Variants in ABCG5 observed in about 807,000 individuals in gnomAD.
The protein encoded by ABCG5 is ATP-binding cassette sub-family G member 5.
ABCG5 carries 64 observed loss-of-function variants against 64.5 expected under a neutral mutation model. The observed-to-expected ratio is 0.99, with a 90% CI of 0.81 to 1.22. ABCG5 has a LOEUF of 1.22. Among genes scored for constraint, ABCG5 ranks in the 50% most tolerant of loss-of-function variants. The pLI is 0.00. For synonymous variants in ABCG5, 385 were observed against 326.3 expected (o/e 1.18, Z -1.94); for missense variants, 908 against 829.5 (o/e 1.09, Z -1.16).
intron 7 of ABCG5, 76 bp from the exon 8 acceptor site, chr2:43,824,508 G>A: frequency 6.3e-7 from 1 of 1,598,736 alleles, no homozygotes; most frequent in Non-Finnish European, 8.5e-7. Flanking sequence ...AATTGGTACA[G>A]GAGTACTGGC....
chr2:43,831,696 G>C, intron 4 of ABCG5, 73 bp downstream of exon 4: 26 of 1,410,934 alleles, frequency 1.8e-5, no homozygotes, highest in Non-Finnish European at 2.5e-5. Context: ...GGCAAGCGTA[G>C]GCGAAGAGAG....
chr2:43,816,041 C>A (rs781612332), intron 11 of ABCG5, among the ~76,000 whole-genome samples: 1 of 152,024 alleles, frequency 6.6e-6, no homozygotes, highest in African/African-American at 2.4e-5. Context: ...GAGGTAGGAA[C>A]TGTGAACCTT....
intron 2 of ABCG5, among the ~76,000 whole-genome samples, chr2:43,836,614 A>G (rs1055267527): frequency 6.6e-6 from 1 of 152,110 alleles, no homozygotes; most frequent in African/African-American, 2.4e-5. Context: ...AAGATTCACC[A>G]CAGGGACCCT....
At chr2:43,833,053 T>G (rs982456638) in intron 2 of ABCG5, among the ~76,000 whole-genome samples, 6 of 152,076 alleles carry the variant, frequency 3.9e-5, no homozygotes, top group Middle Eastern at 3.2e-3. Flanking sequence ...CAGGTGATCC[T>G]CCCGCCTCAG....
chr2:43,838,161 G>T lies in ABCG5; in HGVS notation c.144-206C>A, dbSNP rs780832804. 1.5e-6 allele frequency: 1 copy of T among 657,138 alleles called. No homozygotes were observed. Among genetic ancestry groups the T allele is most frequent in the Non-Finnish European group, 2.6e-6 (1 of 386,518 alleles). 40.7% of individuals were successfully genotyped at this position (657,138 alleles called of 1,614,324 possible). A position where few individuals can be genotyped will look rare whatever the true frequency, so the allele number is the denominator to read the frequency against. On this transcript the variant is annotated intron_variant, in intron 1 of 12. Coordinates refer to ENST00000405322, the MANE Select transcript of ABCG5 (RefSeq NM_022436.3). The surrounding 1 kb of genome is among the most constrained non-coding windows in gnomAD (Gnocchi z 4.2). ...CCACGTAGGGAGGGGGCCTGTGCTGGAGTTGCTCTGAATGTCCTGTCCGTT... is the reference window on the plus strand; with the variant it reads ...CCACGTAGGGAGGGGGCCTGTGCTGTAGTTGCTCTGAATGTCCTGTCCGTT...
At chr2:43,811,794 C>T (rs1381658503), downstream of ABCG5, among the ~76,000 whole-genome samples, 1 of 152,080 alleles carries the variant, frequency 6.6e-6, no homozygotes, top group Non-Finnish European at 1.5e-5. Flanking sequence ...CGGGGTTTCA[C>T]CATGTTGGCC....
chr2:43,807,498 G>A (rs1666305445), downstream of ABCG5, among the ~76,000 whole-genome samples: 1 of 151,876 alleles, frequency 6.6e-6, no homozygotes, highest in Non-Finnish European at 1.5e-5. Context: ...GGAGTGCAAT[G>A]GGGAGATCAT....
At position 43,820,115 on chromosome 2, in the gene ABCG5, G is replaced by A; in HGVS notation, c.1464-15C>T. ...AGCCCAGCGTCCTAGAAAAGCATAA[G>A]CTCTTTAGTTTCCTCTCCAAGGGCT... On this transcript the variant is annotated splice_polypyrimidine_tract_variant and intron_variant, in intron 10 of 12. Coordinates refer to ENST00000405322, the MANE Select transcript of ABCG5 (RefSeq NM_022436.3). 6.2e-7 allele frequency: 1 copy of A among 1,611,330 alleles called. No individual in the cohort carries two copies. Among genetic ancestry groups the A allele is most frequent in the Non-Finnish European group, 8.5e-7 (1 of 1,178,600 alleles).
intron 2 of ABCG5, chr2:43,832,378 C>T (rs554653524): frequency 1.8e-4 from 98 of 547,396 alleles, no homozygotes; most frequent in Non-Finnish European, 3.0e-4. Context: ...GTTTATTTGT[C>T]TTTAAAACTG....
intron 12 of ABCG5, among the ~76,000 whole-genome samples, chr2:43,813,718 T>C: frequency 8.0e-6 from 1 of 125,154 alleles, no homozygotes; most frequent in Non-Finnish European, 1.7e-5. Context: ...CGTTTTTTTT[T>C]TTTTTTTTTT....
chr2:43,831,942 C>A lies in ABCG5; in HGVS notation c.402+5G>T. On this transcript the variant is annotated splice_donor_5th_base_variant and intron_variant, in intron 3 of 12. Coordinates refer to ENST00000405322, the MANE Select transcript of ABCG5 (RefSeq NM_022436.3). ...GGGGGCCAGGGGTGTGGGGGACGCGCCCACCTGCAGGACGTAGGAGAAGCA... is the reference window on the plus strand; with the variant it reads ...GGGGGCCAGGGGTGTGGGGGACGCGACCACCTGCAGGACGTAGGAGAAGCA... 6.5e-7 allele frequency: 1 copy of A among 1,548,908 alleles called. No homozygotes were observed.
intron 11 of ABCG5, among the ~76,000 whole-genome samples, chr2:43,817,450 A>G (rs1294510978): frequency 5.3e-5 from 8 of 152,076 alleles, no homozygotes; most frequent in Non-Finnish European, 8.8e-5. Context: ...GTGCCATTGC[A>G]TTCCAGCCTG....
Position 43,833,024 on chromosome 2 carries a change from G to A in ABCG5, c.266-941C>T, listed in dbSNP as rs375276273. On this transcript the variant is annotated intron_variant, in intron 2 of 12. Transcript: ENST00000405322. Reference sequence around the variant, plus strand: ...GAGGTTTCACCATGTTGGCCAGGCTGGTCTCGACCTCCTGACCTCAGGTGA... The same window carrying A: ...GAGGTTTCACCATGTTGGCCAGGCTAGTCTCGACCTCCTGACCTCAGGTGA... 1.7e-4 allele frequency among the ~76,000 whole-genome samples: 26 copies of A among 152,284 alleles called. No individual in the cohort carries two copies. The South Asian group carries it at 2.7e-3, about 16-fold the overall frequency.
chr2:43,838,731 A>G lies in ABCG5; in HGVS notation c.-52T>C. The G allele has an allele frequency of 6.2e-7, 1 of 1,601,614 alleles. No homozygotes were observed. The highest frequency in any genetic ancestry group is 8.5e-7 in the Non-Finnish European group (1 of 1,174,788). ...ATTTTCTGGTGGCCGGACCCTCCCC[A>G]GAGTGGCTTCAGTTGGGGAGCCCGT... is the stretch of plus-strand genomic sequence containing the variant. On this transcript the variant is annotated 5_prime_UTR_variant, in exon 1 of 13. Transcript: ENST00000405322. This position sits in a 1 kb window ranked among gnomAD's most constrained non-coding sequence, Gnocchi z 4.2.
chr2:43,824,069 G>T lies in ABCG5; in HGVS notation c.1168C>A (p.Leu390Ile). Residue 390 changes from leucine to isoleucine, a missense_variant, in exon 9 of 13, where the codon CTC (leucine) becomes ATC (isoleucine). Transcript: ENST00000405322. ...VRNKLAVITR[L>I]LQNLIMGLFL... ...AAACCCATGATCAGATTCTGAAGGA[G>T]ACGCGTAATCACTGCCAGCTTATTT... The T allele has an allele frequency of 6.2e-7, 1 of 1,614,222 alleles. No individual in the cohort carries two copies.
upstream of ABCG5, chr2:43,839,190 A>G (rs1439698594): frequency 2.2e-5 from 32 of 1,486,000 alleles, no homozygotes; most frequent in Non-Finnish European, 2.5e-5. Flanking sequence ...CTCTTCCCTC[A>G]GGAGCCTTCT....
Position 43,814,528 on chromosome 2 carries a change from A to C in ABCG5, c.1711T>G (p.Cys571Gly). 6.2e-7 allele frequency: 1 copy of C among 1,610,128 alleles called. No homozygotes were observed. The highest frequency in any genetic ancestry group is 8.5e-7 in the Non-Finnish European group (1 of 1,176,784). The change falls in exon 12 of 13, where the codon TGC (cysteine) becomes GGC (glycine). Residue 571 changes from cysteine to glycine, a missense_variant. By Grantham distance (159) the Cys-to-Gly change is radical (BLOSUM62 -3). Coordinates refer to ENST00000405322, the MANE Select transcript of ABCG5 (RefSeq NM_022436.3). Reference sequence around the variant, plus strand: ...TCATTGACTACAAGAATCTCACTGCAATATTTTTGGAATGTAAAATAACTG... The same window carrying C: ...TCATTGACTACAAGAATCTCACTGCCATATTTTTGGAATGTAAAATAACTG... ...IISYFTFQKY[C>G]SEILVVNEFY...
intron 11 of ABCG5, among the ~76,000 whole-genome samples, chr2:43,817,437 A>G (rs2104769323): frequency 6.6e-6 from 1 of 152,224 alleles, no homozygotes; most frequent in East Asian, 1.9e-4. Context: ...GTGAGCCGAG[A>G]TCGTGCCATT....
In ABCG5 at chr2:43,827,341, A is replaced by ATT. The variant is rs1382186279; in HGVS notation, c.634+641_634+642insAA. ...ACTCTGTCTCAAAAAAAAAAAAAAA[A>ATT]AGTGACAAGAGCTGTTAAAAACATC... On this transcript the variant is annotated intron_variant, in intron 5 of 12. Coordinates refer to ENST00000405322, the MANE Select transcript of ABCG5 (RefSeq NM_022436.3). 8.9e-4 allele frequency among the ~76,000 whole-genome samples: 135 copies of ATT among 151,732 alleles called. 2 individuals are homozygous for ATT. The East Asian group carries it at 9.9e-3, about 11-fold the overall frequency.
Sources: allele counts gnomAD v4.1 joint callset (sites outside exome capture counted in the v4.1 genomes callset), GRCh38; gene constraint gnomAD v4.1.1; non-coding constraint Gnocchi (gnomAD v3.1); transcripts MANE v1.5; gene names NCBI Gene and HGNC (gene_info 2026-07-23, HGNC 2026-07-21).